Variants in NFRKB observed in about 807,000 individuals in gnomAD.
The protein encoded by NFRKB is nuclear factor related to kappa-B-binding protein.
NFRKB carries 62 observed loss-of-function variants against 135.7 expected under a neutral mutation model. That is an observed-to-expected ratio of 0.46 (90% CI 0.37 to 0.56). The LOEUF (loss-of-function observed/expected upper bound fraction) is 0.56, where lower values mean the gene tolerates loss of function less well. Among genes scored for constraint, NFRKB ranks in the 20% least tolerant of loss-of-function variants. The pLI, the probability that NFRKB is intolerant of heterozygous loss-of-function variation, is 0.00. For missense variants in NFRKB, 1,545 were observed against 1,662.0 expected (o/e 0.93, Z 1.22); for synonymous variants, 678 against 635.6 (o/e 1.07, Z -1.00).
chr11:129,885,802 T>C (rs2135669352), intron 5 of NFRKB, among the ~76,000 whole-genome samples, 193 bp from the exon 6 acceptor site: 1 of 152,374 alleles, frequency 6.6e-6, no homozygotes, highest in African/African-American at 2.4e-5. Flanking sequence ...ATCCCAAATC[T>C]GACTGTTGAA....
Position 129,874,985 on chromosome 11 carries a change from G to GA in NFRKB, c.1855-70dup, listed in dbSNP as rs1322772840. The GA allele has an allele frequency of 1.9e-6, 3 of 1,579,686 alleles. No individual in the cohort carries two copies. Among genetic ancestry groups the GA allele is most frequent in the East Asian group, 2.2e-5 (1 of 44,594 alleles). ...ATAACAGAAGTTATTTGAACTCTAG[G>GA]AAAAAAATGTCATTGTATCTAAATC... On this transcript the variant is annotated intron_variant, in intron 18 of 26. Transcript: ENST00000682444. This position sits in a 1 kb window ranked among gnomAD's most constrained non-coding sequence, Gnocchi z 4.5.
intron 23 of NFRKB, among the ~76,000 whole-genome samples, chr11:129,871,905 C>T (rs988103446): frequency 6.6e-6 from 1 of 151,994 alleles, no homozygotes; most frequent in Non-Finnish European, 1.5e-5. Flanking sequence ...GGCAACCTCT[C>T]CCATCCTCAT....
rs1006375604 is a variant in NFRKB, at chr11:129,874,192, G to A, written c.2200C>T (p.Pro734Ser). The A allele has an allele frequency of 3.3e-6, 5 of 1,520,412 alleles. No individual in the cohort carries two copies. The African/African-American group carries it at 5.6e-5, about 17-fold the overall frequency. 94.2% of individuals were successfully genotyped at this position (1,520,412 alleles called of 1,614,324 possible). A position where few individuals can be genotyped will look rare whatever the true frequency, so the allele number is the denominator to read the frequency against. Reference protein sequence around the residue: ...TPTTPALPAIPISPPPVSAVN... With the variant: ...TPTTPALPAISISPPPVSAVN... ...GCCGATACAGGTGGAGGGGAGATGG[G>A]AATGGCGGGCAATGCTGGTGTGGTG... The change falls in exon 21 of 27, where the codon CCC becomes TCC. Residue 734 changes from proline (P) to serine (S), a missense_variant. Physicochemically the swap from Pro to Ser is moderately conservative, Grantham distance 74 (BLOSUM62 -1). This residue lies in a region of NFRKB where 753 missense variants were observed against 804.3 expected (regional missense o/e 0.94). Transcript: ENST00000682444. The surrounding 1 kb of genome is among the most constrained non-coding windows in gnomAD (Gnocchi z 4.5).
At chr11:129,879,166 T>C (rs908542816) in intron 13 of NFRKB, among the ~76,000 whole-genome samples, 1 of 152,190 alleles carries the variant, frequency 6.6e-6, no homozygotes, top group Admixed American at 6.5e-5. Context: ...CACAGGACCA[T>C]CATCGGCCAG....
Position 129,874,943 on chromosome 11 carries a change from A to G in NFRKB, c.1855-27T>C. The G allele has an allele frequency of 6.2e-7, 1 of 1,613,480 alleles. No individual in the cohort carries two copies. Among genetic ancestry groups the G allele is most frequent in the Non-Finnish European group, 8.5e-7 (1 of 1,179,502 alleles). On this transcript the variant is annotated intron_variant, in intron 18 of 26. Transcript: ENST00000682444. The surrounding 1 kb of genome is among the most constrained non-coding windows in gnomAD (Gnocchi z 4.5). ...TACAAATCAGACAAAGGGAAATAAG[A>G]AACAAGTCAAGCTTAGATAACAGAA...
At position 129,864,500 on chromosome 11, in the gene NFRKB, T is replaced by G. The variant is rs1210070787; in HGVS notation, c.*225A>C. On this transcript the variant is annotated 3_prime_UTR_variant, in exon 27 of 27. Transcript: ENST00000682444. The stretch of plus-strand genomic sequence containing the variant: ...ATTTCAACAGAATATTCTCCTAGAT[T>G]GGTAGAGAGCAGACCTTGGAACCCT... The G allele has an allele frequency of 3.8e-6, 2 of 530,240 alleles. No homozygotes were observed. Among genetic ancestry groups the G allele is most frequent in the Non-Finnish European group, 6.7e-6 (2 of 297,740 alleles). 32.8% of individuals were successfully genotyped at this position (530,240 alleles called of 1,614,324 possible).
chr11:129,892,606 G>A, intron 3 of NFRKB, 109 bp downstream of exon 3: 2 of 1,186,838 alleles, frequency 1.7e-6, no homozygotes, highest in Non-Finnish European at 2.4e-6. Flanking sequence ...TGTAGAAAAT[G>A]AACAAAAGGG....
At chr11:129,890,393 G>C (rs1949503245) in intron 3 of NFRKB, among the ~76,000 whole-genome samples, 2 of 152,174 alleles carry the variant, frequency 1.3e-5, no homozygotes, top group Non-Finnish European at 2.9e-5. Context: ...GTAACATAAA[G>C]GGACTGCCCT....
chr11:129,893,157 G>A lies in NFRKB; in HGVS notation c.-21-287C>T, dbSNP rs1368398982. 5 of 1,032,420 alleles carry A rather than the reference G, an allele frequency of 4.8e-6. No individual in the cohort carries two copies. The African/African-American group carries it at 4.9e-5, about 10-fold the overall frequency. 64.0% of individuals were successfully genotyped at this position (1,032,420 alleles called of 1,614,324 possible). A position where few individuals can be genotyped will look rare whatever the true frequency, so the allele number is the denominator to read the frequency against. On this transcript the variant is annotated intron_variant, in intron 2 of 26. Coordinates refer to ENST00000682444, the MANE Select transcript of NFRKB (RefSeq NM_001143835.2). ...TTACAGATGAGTAAAATGAGACTGAGAATAAATGATAAACAGATCACAATC... is the reference window on the plus strand; with the variant it reads ...TTACAGATGAGTAAAATGAGACTGAAAATAAATGATAAACAGATCACAATC...
In NFRKB at chr11:129,882,137, G is replaced by A. The variant is rs1949056705; in HGVS notation, c.1140C>T (p.Phe380=). 3 of 1,613,668 alleles carry A rather than the reference G, an allele frequency of 1.9e-6. No homozygotes were observed. Among genetic ancestry groups the A allele is most frequent in the Non-Finnish European group, 2.5e-6 (3 of 1,179,858 alleles). ...GCAGCAAGATCTCTAATAGAAGAGAGAAGAAGCTGGAAGATATTTCATTGA... is the reference window on the plus strand; with the variant it reads ...GCAGCAAGATCTCTAATAGAAGAGAAAAGAAGCTGGAAGATATTTCATTGA... The part of the protein sequence containing the change: ...LGINEISSSF[F]SLLLEILLLE... The change falls in exon 11 of 27, where the codon TTC becomes TTT. Residue 380 remains phenylalanine, a synonymous_variant. Coordinates refer to ENST00000682444, the MANE Select transcript of NFRKB (RefSeq NM_001143835.2).
intron 17 of NFRKB, among the ~76,000 whole-genome samples, chr11:129,875,970 A>G (rs1174876258): frequency 6.6e-6 from 1 of 152,154 alleles, no homozygotes; most frequent in Non-Finnish European, 1.5e-5. Context: ...ACACACTTTT[A>G]AGAGTCACTT....
chr11:129,878,750 C>T (rs1022060175), intron 13 of NFRKB, among the ~76,000 whole-genome samples: 2 of 152,188 alleles, frequency 1.3e-5, no homozygotes, highest in Non-Finnish European at 2.9e-5. Flanking sequence ...TCATTCACTC[C>T]GTAGGCATTC....
At chr11:129,875,279 G>C (rs1333209630) in intron 18 of NFRKB, 78 bp downstream of exon 18, 1 of 1,196,494 alleles carries the variant, frequency 8.4e-7, no homozygotes, top group African/African-American at 1.5e-5. Flanking sequence ...TAAAAATTTT[G>C]TTATATTTTG....
chr11:129,882,356 CATA>C, intron 10 of NFRKB, 92 bp downstream of exon 10: 1 of 1,448,970 alleles, frequency 6.9e-7, no homozygotes, highest in South Asian at 1.3e-5. Flanking sequence ...ACAAGTCCAA[CATA>C]CTTACAGCTA....
At chr11:129,894,479 C>T (rs1231892479) in intron 1 of NFRKB, 41 bp from the exon 2 acceptor site, 3 of 152,180 alleles carry the variant, frequency 2.0e-5, no homozygotes, top group Non-Finnish European at 2.9e-5. Flanking sequence ...GTGTGAATTA[C>T]GTAATACAGG....
rs1210923338 is a variant in NFRKB at position 129,874,028 on chromosome 11, T to A, written c.2280-13A>T. 2.5e-6 allele frequency: 4 copies of A among 1,604,098 alleles called. No homozygotes were observed. Among genetic ancestry groups the A allele is most frequent in the African/African-American group, 2.7e-5 (2 of 74,596 alleles). On this transcript the variant is annotated splice_polypyrimidine_tract_variant and intron_variant, in intron 21 of 26. Coordinates refer to ENST00000682444, the MANE Select transcript of NFRKB (RefSeq NM_001143835.2). The surrounding 1 kb of genome is among the most constrained non-coding windows in gnomAD (Gnocchi z 4.5). ...CACCAGAAGAACACTATGAAGAACA[T>A]CGGGGAAAGACAAAAAACAAAAACT...
chr11:129,880,289 T>C (rs954280510), intron 13 of NFRKB, among the ~76,000 whole-genome samples: 2 of 152,144 alleles, frequency 1.3e-5, no homozygotes, highest in Non-Finnish European at 2.9e-5. Flanking sequence ...AAACAACACC[T>C]TCCTCCACCA....
intron 3 of NFRKB, among the ~76,000 whole-genome samples, chr11:129,889,880 G>T (rs1949459502): frequency 1.3e-5 from 2 of 151,686 alleles, no homozygotes; most frequent in African/African-American, 2.4e-5. Context: ...GTACGTGGTG[G>T]TGGGCTTCAG....
At chr11:129,878,766 G>A (rs1011954994) in intron 13 of NFRKB, among the ~76,000 whole-genome samples, 3 of 152,202 alleles carry the variant, frequency 2.0e-5, no homozygotes, top group African/African-American at 7.2e-5. Context: ...CATTCGCTGA[G>A]TATCCACTGT....
Sources: gnomAD v4.1 joint callset for allele counts (sites outside exome capture counted in the v4.1 genomes callset) on GRCh38, gnomAD v4.1.1 for gene constraint, gnomAD v4.1.1 regional missense constraint, Gnocchi (gnomAD v3.1) non-coding constraint, MANE v1.5 for transcripts, NCBI Gene and HGNC (gene_info 2026-07-23, HGNC 2026-07-21) for gene names.